Variants in MFHAS1 observed in about 807,000 individuals in gnomAD.
The protein encoded by MFHAS1 is malignant fibrous histiocytoma-amplified sequence 1.
A neutral mutation model predicts 70.4 loss-of-function variants in MFHAS1; 50 were observed. The ratio of observed to expected loss-of-function variants is 0.71; its 90% CI spans 0.57 to 0.90. The LOEUF is 0.90. Ranked by LOEUF, MFHAS1 falls within the 40% of genes least tolerant of loss-of-function variation. The pLI, the probability that MFHAS1 is intolerant of heterozygous loss-of-function variation, is 0.00. For missense variants in MFHAS1, 1,795 were observed against 1,347.6 expected (o/e 1.33, Z -5.20); for synonymous variants, 952 against 620.0 (o/e 1.54, Z -7.96).
intron 1 of MFHAS1, among the ~76,000 whole-genome samples, chr8:8,858,113 T>C (rs960668830): frequency 6.6e-6 from 1 of 152,192 alleles, no homozygotes; most frequent in Non-Finnish European, 1.5e-5. Context: ...CAGCCATCTG[T>C]CTAGTATCTG....
chr8:8,823,651 C>T (rs1259896916), intron 1 of MFHAS1, among the ~76,000 whole-genome samples: 1 of 150,988 alleles, frequency 6.6e-6, no homozygotes, highest in Non-Finnish European at 1.5e-5. Context: ...ACAAACATGT[C>T]CTTGGTTCTC....
At position 8,786,015 on chromosome 8, in the gene MFHAS1, A is replaced by C. The variant is rs1805530135; in HGVS notation, c.*7T>G. On this transcript the variant is annotated 3_prime_UTR_variant, in exon 3 of 3. Coordinates refer to ENST00000276282, the MANE Select transcript of MFHAS1 (RefSeq NM_004225.3). The stretch of plus-strand genomic sequence containing the variant: ...TTTTCTCCATGGAAATTCCACAGCC[A>C]CAAACGTCACTGGTTTCTGTGCTTT... 6.2e-7 allele frequency: 1 copy of C among 1,614,030 alleles called. No homozygotes were observed.
chr8:8,833,409 G>A (rs1024273129), intron 1 of MFHAS1, among the ~76,000 whole-genome samples: 5 of 152,066 alleles, frequency 3.3e-5, no homozygotes, highest in African/African-American at 4.8e-5. Flanking sequence ...TGGGAGGATC[G>A]CTTGAGGCCA....
intron 1 of MFHAS1, among the ~76,000 whole-genome samples, chr8:8,828,364 G>A (rs1417803943): frequency 6.6e-6 from 1 of 152,178 alleles, no homozygotes; most frequent in Non-Finnish European, 1.5e-5. Context: ...AGAAATAGTG[G>A]GGAGGCAGAA....
chr8:8,831,229 C>T (rs930043714), intron 1 of MFHAS1, among the ~76,000 whole-genome samples: 2 of 151,984 alleles, frequency 1.3e-5, no homozygotes, highest in Admixed American at 1.3e-4. Flanking sequence ...CTTAAAACCT[C>T]CTTATAGACT....
chr8:8,843,091 C>T (rs1167017125), intron 1 of MFHAS1, among the ~76,000 whole-genome samples: 3 of 150,802 alleles, frequency 2.0e-5, no homozygotes, highest in South Asian at 2.1e-4. Context: ...AGGTGAAACC[C>T]GGTCTCTACT....
intron 1 of MFHAS1, among the ~76,000 whole-genome samples, chr8:8,840,709 G>A (rs954097954): frequency 8.5e-5 from 13 of 152,122 alleles, no homozygotes; most frequent in African/African-American, 2.9e-4. Flanking sequence ...GTTAGATGCC[G>A]TTGGTTCTTA....
intron 1 of MFHAS1, among the ~76,000 whole-genome samples, chr8:8,880,129 A>G (rs1256062417): frequency 6.6e-6 from 1 of 152,128 alleles, no homozygotes; most frequent in Non-Finnish European, 1.5e-5. Context: ...CATCCACACT[A>G]AGAGGATCCC....
At chr8:8,843,317 CTCACACCTGTAA>C (rs1395823366) in intron 1 of MFHAS1, among the ~76,000 whole-genome samples, 1 of 151,310 alleles carries the variant, frequency 6.6e-6, no homozygotes, top group African/African-American at 2.4e-5. Context: ...GGTGCTGTGA[CTCACACCTGTAA>C]TCCCAACATT....
intron 1 of MFHAS1, among the ~76,000 whole-genome samples, chr8:8,839,927 A>G (rs1478503645): frequency 6.6e-6 from 1 of 152,190 alleles, no homozygotes; most frequent in East Asian, 1.9e-4. Context: ...AGTCAAGATA[A>G]ACACAATAAT....
intron 1 of MFHAS1, among the ~76,000 whole-genome samples, chr8:8,828,885 C>T (rs182560770): frequency 1.5e-3 from 234 of 152,248 alleles, no homozygotes; most frequent in Admixed American, 4.4e-3. Context: ...GCTCTTATCC[C>T]GCCCCTAGCT....
intron 1 of MFHAS1, among the ~76,000 whole-genome samples, chr8:8,833,098 T>C (rs1042211996): frequency 6.6e-6 from 1 of 151,944 alleles, no homozygotes; most frequent in African/African-American, 2.4e-5. Context: ...GAAGGGAAGG[T>C]GCCACACACT....
intron 1 of MFHAS1, among the ~76,000 whole-genome samples, chr8:8,844,993 G>T (rs1002643451): frequency 6.6e-6 from 1 of 152,198 alleles, no homozygotes; most frequent in African/African-American, 2.4e-5. Flanking sequence ...AAGAAGAAAA[G>T]AATTCATTTT....
intron 1 of MFHAS1, among the ~76,000 whole-genome samples, chr8:8,880,233 T>A (rs1307550588): frequency 6.6e-6 from 1 of 152,124 alleles, no homozygotes; most frequent in Non-Finnish European, 1.5e-5. Context: ...AGAAAGTTGC[T>A]ACAAAGCCTG....
Position 8,891,474 on chromosome 8 carries a change from G to A in MFHAS1, c.1585C>T (p.His529Tyr), listed in dbSNP as rs749143961. Residue 529 changes from histidine to tyrosine, a missense_variant, in exon 1 of 3, where the codon CAC (histidine) becomes TAC (tyrosine). Coordinates refer to ENST00000276282, the MANE Select transcript of MFHAS1 (RefSeq NM_004225.3). This position sits in a 1 kb window ranked among gnomAD's most constrained non-coding sequence, Gnocchi z 5.4. ...FLHRVGARVP[H>Y]AVVCIVGTHA... ...GTGCCCACGATGCACACCACCGCGT[G>A]GGGCACTCTCGCCCCGACCCGATGC... 6.2e-7 allele frequency: 1 copy of A among 1,613,020 alleles called. No homozygotes were observed. The highest frequency in any genetic ancestry group is 8.5e-7 in the Non-Finnish European group (1 of 1,180,024).
chr8:8,814,313 T>A (rs57124795), intron 1 of MFHAS1, among the ~76,000 whole-genome samples: 6,076 of 152,288 alleles, frequency 0.04, 210 homozygotes, highest in South Asian at 0.12. Flanking sequence ...ACCATCGTTG[T>A]TACAATGGTC....
chr8:8,801,056 A>G (rs1269646370), intron 1 of MFHAS1, among the ~76,000 whole-genome samples: 2 of 152,136 alleles, frequency 1.3e-5, no homozygotes, highest in Non-Finnish European at 2.9e-5. Flanking sequence ...TCTACTAAAA[A>G]TATAAAAAAT....
chr8:8,815,317 C>T lies in MFHAS1; in HGVS notation c.2999-17826G>A, dbSNP rs537829202. 3.6e-3 allele frequency among the ~76,000 whole-genome samples: 549 copies of T among 152,160 alleles called. 4 individuals are homozygous for T. The highest frequency in any genetic ancestry group is 0.013 in the African/African-American group (524 of 41,496). ...GTCTTTGTTATTGTGAATAGTGCTG[C>T]GATGAACATACACATGCATGTATCT... On this transcript the variant is annotated intron_variant, in intron 1 of 2. Transcript: ENST00000276282.
chr8:8,869,618 A>G lies in MFHAS1; in HGVS notation c.2998+20443T>C, dbSNP rs550758635. ...AAGAGGGTGGCTACACGACCCTAATAAACCAATTAAGCTAGCAGCCGTTCC... is the reference window on the plus strand; with the variant it reads ...AAGAGGGTGGCTACACGACCCTAATGAACCAATTAAGCTAGCAGCCGTTCC... On this transcript the variant is annotated intron_variant, in intron 1 of 2. Transcript: ENST00000276282. Among the ~76,000 whole-genome samples, 7 of 152,340 alleles carry G rather than the reference A, an allele frequency of 4.6e-5. No homozygotes were observed. In the South Asian group the frequency reaches 1.5e-3, roughly 32 times the overall value.
Sources: allele counts gnomAD v4.1 joint callset (sites outside exome capture counted in the v4.1 genomes callset), GRCh38; gene constraint gnomAD v4.1.1; non-coding constraint Gnocchi (gnomAD v3.1); transcripts MANE v1.5; gene names NCBI Gene and HGNC (gene_info 2026-07-23, HGNC 2026-07-21).